Variants in AKAP4 observed in about 807,000 individuals in gnomAD.
AKAP4 encodes A-kinase anchor protein 4.
Under a neutral mutation model 42.6 loss-of-function variants are expected in AKAP4, and 4 were observed. The observed-to-expected ratio is 0.09, with a 90% CI of 0.05 to 0.22. The LOEUF (loss-of-function observed/expected upper bound fraction) is 0.22. Ranked by LOEUF, AKAP4 falls within the 10% of genes least tolerant of loss-of-function variation. The pLI, the probability that AKAP4 is intolerant of heterozygous loss-of-function variation, is 1.00. For synonymous variants in AKAP4, 223 were observed against 233.0 expected (o/e 0.96, Z 0.39); for missense variants, 551 against 630.7 (o/e 0.87, Z 1.35).
Position 50,193,605 on chromosome X carries a change from C to T in AKAP4, c.1108G>A (p.Val370Met). The T allele has an allele frequency of 8.3e-7, 1 of 1,211,714 alleles. No homozygotes were observed. Among genetic ancestry groups the T allele is most frequent in the Non-Finnish European group, 1.1e-6 (1 of 895,483 alleles). ...PIPASVVLKRVLLRHTKEIVS... is the reference protein window; with the variant it reads ...PIPASVVLKRMLLRHTKEIVS... ...ATCTCCTTGGTGTGCCTTAGCAACA[C>T]CCTCTTCAGGACCACAGATGCTGGA... The change falls in exon 5 of 6, where the codon GTG becomes ATG. Residue 370 changes from valine (V) to methionine (M), a missense_variant. By Grantham distance (21) the Val-to-Met change is conservative. Coordinates refer to ENST00000358526, the MANE Select transcript of AKAP4 (RefSeq NM_003886.3).
intron 1 of AKAP4, among the ~76,000 whole-genome samples, chrX:50,199,583 C>A (rs945060410): frequency 2.6e-4 from 29 of 111,344 alleles, no homozygotes; most frequent in Non-Finnish European, 1.1e-4. Context: ...CTGATTTTTG[C>A]TACGTAAGAC....
chrX:50,200,701 G>A, intron 1 of AKAP4, among the ~76,000 whole-genome samples, 162 bp downstream of exon 1: 1 of 111,989 alleles, frequency 8.9e-6, no homozygotes, highest in Middle Eastern at 4.7e-3. Flanking sequence ...GAGATCTTTA[G>A]ATTTACGTAG....
chrX:50,191,240 G>A (rs1935105066), intron 5 of AKAP4, 125 bp from the exon 6 acceptor site: 11 of 720,478 alleles, frequency 1.5e-5, no homozygotes, highest in Non-Finnish European at 1.6e-5. Context: ...CCACCTTCCC[G>A]CCCATGATTC....
At position 50,194,031 on chromosome X, in the gene AKAP4, C is replaced by G. The variant is rs1557204087; in HGVS notation, c.682G>C (p.Val228Leu). ...ATTTCCTTATGGGCCATCTGGATTACCAGAGAAGATAGTCGGTTGACGTAG... is the reference window on the plus strand; with the variant it reads ...ATTTCCTTATGGGCCATCTGGATTAGCAGAGAAGATAGTCGGTTGACGTAG... Reference protein sequence around the residue: ...SFYVNRLSSLVIQMAHKEIKE... With the variant: ...SFYVNRLSSLLIQMAHKEIKE... Residue 228 changes from valine to leucine, a missense_variant, in exon 5 of 6, where the codon GTA becomes CTA. Physicochemically the swap from Val to Leu is conservative, Grantham distance 32. Coordinates refer to ENST00000358526, the MANE Select transcript of AKAP4 (RefSeq NM_003886.3). The G allele has an allele frequency of 8.3e-7, 1 of 1,211,456 alleles. No individual in the cohort carries two copies. The highest frequency in any genetic ancestry group is 3.0e-5 in the East Asian group (1 of 33,816).
Position 50,200,966 on chromosome X carries a change from T to G in AKAP4, c.-77A>C. 1 of 1,035,765 alleles carries G rather than the reference T, an allele frequency of 9.7e-7. No individual in the cohort carries two copies. Among genetic ancestry groups the G allele is most frequent in the Non-Finnish European group, 1.4e-6 (1 of 737,568 alleles). The allele number at this position is 1,035,765 out of a possible 1,213,427, so 85.4% of individuals were successfully genotyped here. On this transcript the variant is annotated 5_prime_UTR_variant, in exon 1 of 6. Transcript: ENST00000358526. ...TTCCAGTCTGCCTCAAGATACTGCT[T>G]TTTTCTTCAACTCTCCATGCCCTCC...
intron 1 of AKAP4, among the ~76,000 whole-genome samples, 190 bp from the exon 2 acceptor site, chrX:50,198,942 T>C (rs1436037718): frequency 9.0e-6 from 1 of 111,110 alleles, no homozygotes; most frequent in East Asian, 2.8e-4. Flanking sequence ...CTTAGGATCA[T>C]TATCTTTTAG....
chrX:50,197,048 C>T (rs1935199855), intron 3 of AKAP4, 56 bp from the exon 4 acceptor site: 2 of 869,356 alleles, frequency 2.3e-6, no homozygotes, highest in Middle Eastern at 2.7e-4. Context: ...TTTCTCCAAG[C>T]TGCCCCCCTA....
At position 50,193,446 on chromosome X, in the gene AKAP4, T is replaced by C. The variant is rs201779837; in HGVS notation, c.1267A>G (p.Met423Val). The change falls in exon 5 of 6, where the codon ATG becomes GTG. Residue 423 changes from methionine (M) to valine (V), a missense_variant. Coordinates refer to ENST00000358526, the MANE Select transcript of AKAP4 (RefSeq NM_003886.3). ...ACCAAGCGCTTCAGCATGGCCTCCA[T>C]GATGTCTGTAGCATTTTGTTTCCAC... is the stretch of plus-strand genomic sequence containing the variant. ...NQWKQNATDI[M>V]EAMLKRLVSA... 3.3e-6 allele frequency: 4 copies of C among 1,212,066 alleles called. No individual in the cohort carries two copies. In the East Asian group the frequency reaches 8.9e-5, roughly 27 times the overall value.
intron 4 of AKAP4, among the ~76,000 whole-genome samples, chrX:50,195,026 C>CAT (rs1406746335): frequency 8.9e-6 from 1 of 111,850 alleles, no homozygotes; most frequent in Non-Finnish European, 1.9e-5. Flanking sequence ...CAGTAATCTG[C>CAT]ATATATGTGT....
Position 50,192,686 on chromosome X carries a change from T to G in AKAP4, c.2027A>C (p.Gln676Pro). 8.3e-7 allele frequency: 1 copy of G among 1,212,070 alleles called. No homozygotes were observed. Among genetic ancestry groups the G allele is most frequent in the Non-Finnish European group, 1.1e-6 (1 of 895,618 alleles). Residue 676 changes from glutamine to proline, a missense_variant, in exon 5 of 6, where the codon CAA (glutamine) becomes CCA (proline). Physicochemically the swap from Gln to Pro is moderately conservative, Grantham distance 76 (BLOSUM62 -1). Transcript: ENST00000358526. ...GTCAAGTTCTTGATGCTCCTGGCAT[T>G]GTTCTTCCGCTTTGTCAGATCTGTT... ...MSNRSDKAEE[Q>P]CQEHQELDCT...
intron 2 of AKAP4, 71 bp downstream of exon 2, chrX:50,198,586 T>C (rs936346823): frequency 1.2e-6 from 1 of 815,122 alleles, no homozygotes; most frequent in Non-Finnish European, 1.8e-6. Context: ...TAGTTTATCT[T>C]GGGCCCCAGG....
chrX:50,200,267 C>T (rs1317942472), intron 1 of AKAP4: 54 of 752,044 alleles, frequency 7.2e-5, no homozygotes, highest in Non-Finnish European at 8.5e-5. Context: ...TGGCTGAAAA[C>T]GTGACACCCA....
At chrX:50,197,055 C>T in intron 3 of AKAP4, 63 bp from the exon 4 acceptor site, 1 of 811,419 alleles carries the variant, frequency 1.2e-6, no homozygotes. Context: ...AAGCTGCCCC[C>T]CTAGGCTATG....
rs113056089 is a variant in AKAP4 at position 50,200,932 on chromosome X, T to C, written c.-43A>G. 7,312 of 1,170,073 alleles carry C rather than the reference T, an allele frequency of 6.2e-3. 299 individuals carry two copies. The African/African-American group carries it at 0.12, about 18-fold the overall frequency. On this transcript the variant is annotated 5_prime_UTR_variant, in exon 1 of 6. Coordinates refer to ENST00000358526, the MANE Select transcript of AKAP4 (RefSeq NM_003886.3). ...TGTTTTCTTGTTGATTTGGATGCTG[T>C]GATGACTCTTCCAGTCTGCCTCAAG...
intron 4 of AKAP4, among the ~76,000 whole-genome samples, chrX:50,195,790 T>C (rs1279345652): frequency 7.2e-5 from 8 of 111,696 alleles, no homozygotes; most frequent in African/African-American, 2.6e-4. Context: ...CATTGATGTG[T>C]GTATCATTTT....
intron 2 of AKAP4, among the ~76,000 whole-genome samples, chrX:50,198,146 A>C (rs1421562111): frequency 8.9e-6 from 1 of 111,983 alleles, no homozygotes; most frequent in Admixed American, 9.5e-5. Context: ...ATTATGGATA[A>C]TATTTCTTAG....
rs1299308825 is a variant in AKAP4, at chrX:50,193,889, G to C, written c.824C>G (p.Ala275Gly). The C allele has an allele frequency of 4.1e-6, 5 of 1,210,039 alleles. No homozygotes were observed. The highest frequency in any genetic ancestry group is 5.6e-6 in the Non-Finnish European group (5 of 895,257). Reference protein sequence around the residue: ...TPASKIASEMAYEAVELTAAE... With the variant: ...TPASKIASEMGYEAVELTAAE... The stretch of plus-strand genomic sequence containing the variant: ...AGCTGTCAGTTCCACAGCTTCATAG[G>C]CCATTTCAGAAGCAATCTTGCTCGC... Residue 275 changes from alanine to glycine, a missense_variant, in exon 5 of 6, where the codon GCC (alanine) becomes GGC (glycine). Physicochemically the swap from Ala to Gly is moderately conservative, Grantham distance 60. Coordinates refer to ENST00000358526, the MANE Select transcript of AKAP4 (RefSeq NM_003886.3).
intron 5 of AKAP4, among the ~76,000 whole-genome samples, chrX:50,191,670 A>G (rs201621389): frequency 0.057 from 5,034 of 87,996 alleles, 124 homozygotes; most frequent in African/African-American, 0.11. Context: ...GAGAGAGAGA[A>G]AGAGAGAGAG....
Position 50,198,618 on chromosome X carries a change from T to C in AKAP4, c.123+39A>G, listed in dbSNP as rs782606336. Reference sequence around the variant, plus strand: ...CAGGATATCTATACCCATATGCCAATTTTTCCTACTCCTCGGCATGAGTCA... The same window carrying C: ...CAGGATATCTATACCCATATGCCAACTTTTCCTACTCCTCGGCATGAGTCA... On this transcript the variant is annotated intron_variant, in intron 2 of 5. Coordinates refer to ENST00000358526, the MANE Select transcript of AKAP4 (RefSeq NM_003886.3). 5 of 1,100,232 alleles carry C rather than the reference T, an allele frequency of 4.5e-6. No individual in the cohort carries two copies. In the African/African-American group the frequency reaches 9.1e-5, roughly 20 times the overall value. 90.7% of individuals were successfully genotyped at this position (1,100,232 alleles called of 1,213,427 possible). A position where few individuals can be genotyped will look rare whatever the true frequency, so the allele number is the denominator to read the frequency against.
Sources: allele counts gnomAD v4.1 joint callset (sites outside exome capture counted in the v4.1 genomes callset), GRCh38; gene constraint gnomAD v4.1.1; transcripts MANE v1.5; gene names NCBI Gene and HGNC (gene_info 2026-07-23, HGNC 2026-07-21).